Variants in CCSER1 observed in about 807,000 individuals in gnomAD.
The protein encoded by CCSER1 is serine-rich coiled-coil domain-containing protein 1.
A neutral mutation model predicts 82.0 loss-of-function variants in CCSER1; 41 were observed. The ratio of observed to expected loss-of-function variants is 0.50; its 90% CI spans 0.39 to 0.65. CCSER1 has a LOEUF of 0.65. CCSER1 is among the 30% of genes least tolerant of loss of function. The pLI is 0.00. For missense variants in CCSER1, 1,119 were observed against 1,064.2 expected (o/e 1.05, Z -0.72); for synonymous variants, 414 against 383.9 (o/e 1.08, Z -0.92).
chr4:91,220,954 A>T lies in CCSER1; in HGVS notation c.2217+134960A>T, dbSNP rs143928245. Among the ~76,000 whole-genome samples the T allele has an allele frequency of 2.6e-4, 40 of 152,290 alleles. No individual in the cohort carries two copies. In the East Asian group the frequency reaches 6.6e-3, roughly 25 times the overall value. On this transcript the variant is annotated intron_variant, in intron 10 of 10. Transcript: ENST00000509176. ...CATATGTACGGAAAATGTAGGATAA[A>T]TGGTGTAGTTGAAAAATTAACTGAC...
At chr4:90,981,705 A>T (rs774998011) in intron 9 of CCSER1, among the ~76,000 whole-genome samples, 3 of 151,856 alleles carry the variant, frequency 2.0e-5, no homozygotes, top group Non-Finnish European at 2.9e-5. Context: ...TGGGGAACCC[A>T]AGTTCAAGAG....
chr4:90,332,967 A>G (rs1419875094), intron 3 of CCSER1, among the ~76,000 whole-genome samples: 2 of 152,140 alleles, frequency 1.3e-5, no homozygotes, highest in Admixed American at 6.6e-5. Context: ...CTCTCCTTTA[A>G]TCTGAAATAG....
At chr4:90,881,733 C>A (rs896188634) in intron 8 of CCSER1, among the ~76,000 whole-genome samples, 2 of 152,092 alleles carry the variant, frequency 1.3e-5, no homozygotes, top group Non-Finnish European at 2.9e-5. Context: ...TTCAGTGAGC[C>A]AAGATCATAT....
At chr4:90,395,671 T>G (rs1751845615) in intron 3 of CCSER1, among the ~76,000 whole-genome samples, 1 of 152,056 alleles carries the variant, frequency 6.6e-6, no homozygotes. Flanking sequence ...TCTTTTTTTT[T>G]TTTTTAAGTT....
intron 1 of CCSER1, among the ~76,000 whole-genome samples, chr4:90,177,176 G>A (rs10440320): frequency 1.2e-4 from 18 of 152,038 alleles, no homozygotes; most frequent in East Asian, 5.8e-4. Flanking sequence ...CATGATGTGC[G>A]CAACTATCAA....
chr4:91,111,239 C>A (rs79198593), intron 10 of CCSER1, among the ~76,000 whole-genome samples: 5 of 151,968 alleles, frequency 3.3e-5, no homozygotes, highest in Admixed American at 3.3e-4. Context: ...GGTCTGCAGA[C>A]ACTCATCACT....
At chr4:91,399,747 A>G (rs1311203415) in intron 10 of CCSER1, among the ~76,000 whole-genome samples, 1 of 151,992 alleles carries the variant, frequency 6.6e-6, no homozygotes, top group Non-Finnish European at 1.5e-5. Flanking sequence ...AATTGGGGAA[A>G]GAGCAAATAT....
In CCSER1 at chr4:91,476,972, C is replaced by T. The variant is rs141980317; in HGVS notation, c.2218-121600C>T. Among the ~76,000 whole-genome samples, 23 of 151,674 alleles carry T rather than the reference C, an allele frequency of 1.5e-4. No homozygotes were observed. In the East Asian group the frequency reaches 4.5e-3, roughly 29 times the overall value. Reference sequence around the variant, plus strand: ...AAAGTATGAAACTACTAGAAGAAAACATTGGGGAAATGCTCCAGGACAGTG... The same window carrying T: ...AAAGTATGAAACTACTAGAAGAAAATATTGGGGAAATGCTCCAGGACAGTG... On this transcript the variant is annotated intron_variant, in intron 10 of 10. Coordinates refer to ENST00000509176, the MANE Select transcript of CCSER1 (RefSeq NM_001145065.2).
intron 9 of CCSER1, among the ~76,000 whole-genome samples, chr4:91,076,979 T>C (rs1011249103): frequency 1.3e-5 from 2 of 152,160 alleles, no homozygotes; most frequent in East Asian, 3.8e-4. Context: ...GCTCTAGAAA[T>C]CCGCATAGGG....
chr4:91,422,449 A>G (rs934560668), intron 10 of CCSER1, among the ~76,000 whole-genome samples: 3 of 152,024 alleles, frequency 2.0e-5, no homozygotes, highest in Admixed American at 2.0e-4. Flanking sequence ...GTGTTGCCTT[A>G]TTGCCTAATT....
chr4:90,528,441 T>C (rs1333050160), intron 5 of CCSER1, among the ~76,000 whole-genome samples: 3 of 152,166 alleles, frequency 2.0e-5, no homozygotes, highest in African/African-American at 4.8e-5. Flanking sequence ...ACACAGCTAA[T>C]AGAGAATTCT....
intron 9 of CCSER1, among the ~76,000 whole-genome samples, chr4:90,940,662 G>A (rs746348369): frequency 1.1e-4 from 17 of 152,058 alleles, no homozygotes; most frequent in Non-Finnish European, 1.6e-4. Flanking sequence ...AGAGACATCA[G>A]TATTTATTGA....
intron 6 of CCSER1, among the ~76,000 whole-genome samples, chr4:90,660,751 A>G (rs909038247): frequency 6.6e-6 from 1 of 152,194 alleles, no homozygotes; most frequent in Non-Finnish European, 1.5e-5. Flanking sequence ...CAAAGCTTTG[A>G]ACCAAAGTAG....
At chr4:91,496,586 A>ATATATATATATATATT (rs1758827737) in intron 10 of CCSER1, among the ~76,000 whole-genome samples, 1 of 33,032 alleles carries the variant, frequency 3.0e-5, no homozygotes, top group Non-Finnish European at 8.2e-5. Flanking sequence ...ATATATATAT[A>ATATATATATATATATT]CACGAATATA....
chr4:91,596,770 A>AAAGTT (rs1452339603), intron 10 of CCSER1, among the ~76,000 whole-genome samples: 1 of 152,124 alleles, frequency 6.6e-6, no homozygotes, highest in Non-Finnish European at 1.5e-5. Context: ...AATCTAAGGA[A>AAAGTT]AAGTTAAAAC....
At position 91,013,833 on chromosome 4, in the gene CCSER1, G is replaced by C. The variant is rs1739209355; in HGVS notation, c.2173-72117G>C. 1.6e-5 allele frequency among the ~76,000 whole-genome samples: 2 copies of C among 128,178 alleles called. 1 individual carries two copies. The highest frequency in any genetic ancestry group is 5.1e-4 in the South Asian group (2 of 3,914). The allele number at this position is 128,178 out of a possible 152,430, so 84.1% of individuals were successfully genotyped here. ...AGATGGGGTTTTACTGTGTTAGCCA[G>C]GATGGTCTGAATCTCCTGACCTCGT... is the stretch of plus-strand genomic sequence containing the variant. On this transcript the variant is annotated intron_variant, in intron 9 of 10. Transcript: ENST00000509176.
chr4:91,577,205 G>A (rs1647770350), intron 10 of CCSER1, among the ~76,000 whole-genome samples: 3 of 151,732 alleles, frequency 2.0e-5, no homozygotes, highest in Admixed American at 2.0e-4. Flanking sequence ...TTAGCTCAAA[G>A]TTCAGACAGT....
intron 10 of CCSER1, among the ~76,000 whole-genome samples, chr4:91,393,467 T>C (rs1042271948): frequency 1.3e-5 from 2 of 152,088 alleles, no homozygotes; most frequent in Non-Finnish European, 2.9e-5. Flanking sequence ...TGAAAATCTA[T>C]ATTTTTTGTC....
At chr4:91,443,423 C>A (rs1370983006) in intron 10 of CCSER1, among the ~76,000 whole-genome samples, 1 of 146,102 alleles carries the variant, frequency 6.8e-6, no homozygotes, top group Non-Finnish European at 1.5e-5. Context: ...CCAAACACTG[C>A]ATGTTCTCAC....
Sources: gnomAD v4.1 joint callset for allele counts (sites outside exome capture counted in the v4.1 genomes callset) on GRCh38, gnomAD v4.1.1 for gene constraint, MANE v1.5 for transcripts, NCBI Gene and HGNC (gene_info 2026-07-23, HGNC 2026-07-21) for gene names.